The following CNTNAP4 variants were observed in gnomAD, a reference collection of about 807,000 sequenced individuals.
CNTNAP4 encodes contactin-associated protein-like 4.
A neutral mutation model predicts 148.4 loss-of-function variants in CNTNAP4; 98 were observed. The ratio of observed to expected loss-of-function variants is 0.66; its 90% CI spans 0.56 to 0.78. CNTNAP4 has a LOEUF of 0.78. CNTNAP4 is among the 30% of genes least tolerant of loss of function. The pLI is 0.00. For synonymous variants in CNTNAP4, 730 were observed against 565.1 expected, an observed-to-expected ratio of 1.29 and a Z score of -4.14; for missense variants, 1,935 against 1,565.6, an observed-to-expected ratio of 1.24 and a Z score of -3.98.
intron 17 of CNTNAP4, among the ~76,000 whole-genome samples, chr16:76,525,654 T>C (rs151197634): frequency 0.11 from 16,239 of 145,030 alleles, 1,197 homozygotes; most frequent in East Asian, 0.26. Context: ...AACTATAAAA[T>C]TATATATAGT....
intron 3 of CNTNAP4, among the ~76,000 whole-genome samples, chr16:76,355,840 TTTTATTTA>T (rs138725617): frequency 0.14 from 20,006 of 141,548 alleles, 1,956 homozygotes; most frequent in East Asian, 0.43. Flanking sequence ...TTGCATTGTC[TTTTATTTA>T]TTTATTTATT....
At chr16:76,320,898 A>G (rs1962337133) in intron 2 of CNTNAP4, among the ~76,000 whole-genome samples, 1 of 152,228 alleles carries the variant, frequency 6.6e-6, no homozygotes, top group Non-Finnish European at 1.5e-5. Context: ...TGTCCAAAGC[A>G]AAAATAATAT....
intron 1 of CNTNAP4, among the ~76,000 whole-genome samples, chr16:76,283,789 A>G (rs1429772383): frequency 6.6e-6 from 1 of 152,074 alleles, no homozygotes; most frequent in Admixed American, 6.6e-5. Flanking sequence ...ACAAACCTGC[A>G]CTTGTACCCC....
At chr16:76,357,247 T>C (rs1028919430) in intron 3 of CNTNAP4, among the ~76,000 whole-genome samples, 1 of 152,208 alleles carries the variant, frequency 6.6e-6, no homozygotes, top group Non-Finnish European at 1.5e-5. Context: ...GAATTAAGCA[T>C]TGGAATTTAA....
chr16:76,446,603 A>T (rs988778796), intron 4 of CNTNAP4, among the ~76,000 whole-genome samples: 1 of 152,192 alleles, frequency 6.6e-6, no homozygotes, highest in African/African-American at 2.4e-5. Context: ...AAACATGTCA[A>T]TGTCACAGTT....
intron 23 of CNTNAP4, among the ~76,000 whole-genome samples, chr16:76,556,883 A>G (rs761484698): frequency 6.6e-6 from 1 of 152,178 alleles, no homozygotes; most frequent in Non-Finnish European, 1.5e-5. Context: ...TGGCTTGGCT[A>G]TTGGACGTGC....
intron 4 of CNTNAP4, among the ~76,000 whole-genome samples, chr16:76,431,796 C>T (rs925440145): frequency 1.5e-5 from 2 of 137,030 alleles, no homozygotes; most frequent in Non-Finnish European, 3.3e-5. Flanking sequence ...TTCTTTCCTC[C>T]GTTGATCCTT....
chr16:76,337,693 G>C (rs1008366759), intron 2 of CNTNAP4, among the ~76,000 whole-genome samples: 1 of 152,156 alleles, frequency 6.6e-6, no homozygotes, highest in Admixed American at 6.5e-5. Context: ...GTAAGCCTGA[G>C]GGTACTGCAG....
chr16:76,531,590 A>T (rs1408308241), intron 17 of CNTNAP4, among the ~76,000 whole-genome samples: 1 of 152,206 alleles, frequency 6.6e-6, no homozygotes, highest in Non-Finnish European at 1.5e-5. Flanking sequence ...TCCAAACGTA[A>T]TAGCTCAGTG....
At chr16:76,288,992 C>T (rs1362938832) in intron 1 of CNTNAP4, among the ~76,000 whole-genome samples, 1 of 152,008 alleles carries the variant, frequency 6.6e-6, no homozygotes, top group African/African-American at 2.4e-5. Flanking sequence ...TGTCATAATC[C>T]ATTATGGTAC....
chr16:76,542,966 G>C (rs1452984003), intron 21 of CNTNAP4, among the ~76,000 whole-genome samples: 1 of 152,132 alleles, frequency 6.6e-6, no homozygotes, highest in African/African-American at 2.4e-5. Context: ...ATCCTATAAG[G>C]AGGATTGTAT....
intron 4 of CNTNAP4, among the ~76,000 whole-genome samples, chr16:76,441,108 A>G (rs1441181680): frequency 6.6e-6 from 1 of 152,134 alleles, no homozygotes; most frequent in East Asian, 1.9e-4. Flanking sequence ...CTTAGAAATC[A>G]TTCAATACCC....
At chr16:76,470,140 T>A (rs1480612755) in intron 10 of CNTNAP4, among the ~76,000 whole-genome samples, 1 of 152,062 alleles carries the variant, frequency 6.6e-6, no homozygotes, top group Non-Finnish European at 1.5e-5. Context: ...ACAGAGAGAA[T>A]AAGTTGGCTA....
At chr16:76,433,848 A>G (rs559879219) in intron 4 of CNTNAP4, among the ~76,000 whole-genome samples, 2 of 152,144 alleles carry the variant, frequency 1.3e-5, no homozygotes, top group Non-Finnish European at 2.9e-5. Context: ...ATCAGCTAAT[A>G]TAGTAGCTGA....
At chr16:76,458,119 A>G (rs151034708) in intron 8 of CNTNAP4, among the ~76,000 whole-genome samples, 14 of 152,278 alleles carry the variant, frequency 9.2e-5, no homozygotes, top group African/African-American at 3.4e-4. Context: ...GCTGCAAACA[A>G]TGTTATTCCA....
At chr16:76,496,336 CAAT>C (rs2082402716) in intron 14 of CNTNAP4, among the ~76,000 whole-genome samples, 1 of 152,008 alleles carries the variant, frequency 6.6e-6, no homozygotes, top group Non-Finnish European at 1.5e-5. Flanking sequence ...ACCTAATCAT[CAAT>C]AACTCTCCAA....
chr16:76,429,072 G>A (rs2079523138), intron 4 of CNTNAP4, among the ~76,000 whole-genome samples: 3 of 152,108 alleles, frequency 2.0e-5, no homozygotes, highest in Admixed American at 1.3e-4. Context: ...TGAGTCAGTG[G>A]CCAACTAACC....
intron 4 of CNTNAP4, among the ~76,000 whole-genome samples, chr16:76,444,266 G>A (rs2080155365): frequency 6.6e-6 from 1 of 152,124 alleles, no homozygotes; most frequent in African/African-American, 2.4e-5. Context: ...TACAGATTAT[G>A]TTTAACTTTA....
At chr16:76,450,442 G>C (rs566396982) in intron 7 of CNTNAP4, among the ~76,000 whole-genome samples, 1 of 152,308 alleles carries the variant, frequency 6.6e-6, no homozygotes, top group African/African-American at 2.4e-5. Flanking sequence ...GAGCCACTAT[G>C]CCCAGCCTGC....
Sources: allele counts gnomAD v4.1 joint callset (sites outside exome capture counted in the v4.1 genomes callset), GRCh38; gene constraint gnomAD v4.1.1; transcripts MANE v1.5; gene names NCBI Gene and HGNC (gene_info 2026-07-23, HGNC 2026-07-21).